EBF1: variants seen among roughly 807,000 people sequenced by gnomAD.
The protein encoded by EBF1 is EBF transcription factor 1.
Under a neutral mutation model 68.4 loss-of-function variants are expected in EBF1, and 10 were observed. That is an observed-to-expected ratio of 0.15 (90% CI 0.09 to 0.25). The LOEUF is 0.25. Ranked by LOEUF, EBF1 falls within the 10% of genes least tolerant of loss-of-function variation. The probability of loss-of-function intolerance (pLI) is 1.00; values close to 1 mark genes in which losing one functional copy is unlikely to be tolerated. For synonymous variants in EBF1, 298 were observed against 299.8 expected (o/e 0.99, Z 0.06); for missense variants, 509 against 794.4 (o/e 0.64, Z 4.32).
chr5:158,895,269 A>T (rs1053049492), intron 6 of EBF1, among the ~76,000 whole-genome samples: 5 of 152,204 alleles, frequency 3.3e-5, no homozygotes, highest in African/African-American at 1.2e-4. Context: ...AACGCAGTAA[A>T]AAAATAACAT....
chr5:158,821,272 G>C (rs1281838084), intron 8 of EBF1, among the ~76,000 whole-genome samples: 2 of 152,092 alleles, frequency 1.3e-5, no homozygotes, highest in Non-Finnish European at 2.9e-5. Context: ...ATTGAATTTG[G>C]GGTTCCTGGT....
chr5:159,092,681 T>G (rs773227870), intron 4 of EBF1, among the ~76,000 whole-genome samples: 1 of 152,226 alleles, frequency 6.6e-6, no homozygotes, highest in Non-Finnish European at 1.5e-5. Context: ...TTAACCCCAC[T>G]TTCTAGTCAA....
chr5:159,039,284 C>A lies in EBF1; in HGVS notation c.554+34112G>T, dbSNP rs562302066. The stretch of plus-strand genomic sequence containing the variant: ...GCATTAAACCATAAATTATTATTCC[C>A]CTCTCTTCTACTTTCAGAATCTATA... On this transcript the variant is annotated intron_variant, in intron 6 of 15. Transcript: ENST00000313708. Among the ~76,000 whole-genome samples the A allele has an allele frequency of 3.9e-5, 6 of 152,302 alleles. No homozygotes were observed. The South Asian group carries it at 1.2e-3, about 32-fold the overall frequency.
chr5:158,819,880 G>T (rs1477748133), intron 8 of EBF1, among the ~76,000 whole-genome samples: 2 of 152,116 alleles, frequency 1.3e-5, no homozygotes, highest in Non-Finnish European at 2.9e-5. Context: ...ACGATCTATA[G>T]CATGCCAGGA....
chr5:159,011,176 A>T (rs1295605016), intron 6 of EBF1, among the ~76,000 whole-genome samples: 1 of 152,220 alleles, frequency 6.6e-6, no homozygotes, highest in Non-Finnish European at 1.5e-5. Context: ...AACCCAGCTT[A>T]AATATTAATG....
intron 11 of EBF1, among the ~76,000 whole-genome samples, chr5:158,729,275 T>C (rs1338089878): frequency 6.6e-6 from 1 of 152,236 alleles, no homozygotes; most frequent in Non-Finnish European, 1.5e-5. Context: ...AATGTCTGAA[T>C]TCCACTTTGT....
At chr5:159,055,827 G>A (rs982935274) in intron 6 of EBF1, among the ~76,000 whole-genome samples, 4 of 152,174 alleles carry the variant, frequency 2.6e-5, no homozygotes, top group Non-Finnish European at 4.4e-5. Flanking sequence ...AGTGCCCTGG[G>A]AGGACCACAA....
At chr5:158,991,381 T>C (rs889054811) in intron 6 of EBF1, among the ~76,000 whole-genome samples, 13 of 152,252 alleles carry the variant, frequency 8.5e-5, no homozygotes, top group African/African-American at 3.1e-4. Context: ...AAAACAGCTT[T>C]AGACATTCCA....
At chr5:158,885,310 G>C (rs1799818129) in intron 6 of EBF1, among the ~76,000 whole-genome samples, 1 of 152,226 alleles carries the variant, frequency 6.6e-6, no homozygotes, top group Admixed American at 6.5e-5. Flanking sequence ...TAAAAGGAAA[G>C]GGGAACAGTG....
intron 7 of EBF1, 147 bp downstream of exon 7, chr5:158,839,882 C>T (rs1332126214): frequency 2.9e-6 from 2 of 695,578 alleles, no homozygotes; most frequent in African/African-American, 1.8e-5. Flanking sequence ...TAAACAACTG[C>T]TAGATTGCAG....
intron 6 of EBF1, among the ~76,000 whole-genome samples, chr5:158,995,361 A>G (rs990374431): frequency 2.6e-5 from 4 of 152,154 alleles, no homozygotes; most frequent in Non-Finnish European, 5.9e-5. Flanking sequence ...ACTGCAGGGG[A>G]AACTTTTAGG....
chr5:158,877,915 A>C (rs891854560), intron 6 of EBF1, among the ~76,000 whole-genome samples: 3 of 151,918 alleles, frequency 2.0e-5, no homozygotes, highest in Non-Finnish European at 2.9e-5. Context: ...GTGCCTGCAA[A>C]ACCAGCAAGG....
At chr5:158,787,941 A>T (rs900885716) in intron 9 of EBF1, among the ~76,000 whole-genome samples, 1 of 152,196 alleles carries the variant, frequency 6.6e-6, no homozygotes, top group Non-Finnish European at 1.5e-5. Context: ...CATTAGCAAA[A>T]CCTGGACCAC....
At chr5:159,048,617 A>G (rs1257586801) in intron 6 of EBF1, among the ~76,000 whole-genome samples, 3 of 152,166 alleles carry the variant, frequency 2.0e-5, no homozygotes, top group Non-Finnish European at 4.4e-5. Flanking sequence ...ATAATACATC[A>G]CTGCCTTACT....
Position 158,699,045 on chromosome 5 carries a change from G to C in EBF1, c.*66C>G, listed in dbSNP as rs1025830152. On this transcript the variant is annotated 3_prime_UTR_variant, in exon 16 of 16. Transcript: ENST00000313708. ...AGTTAAAAGTTCCACTCTGGGACTT[G>C]TATCAGATTACTCTCTGTAGCAGAA... 1.4e-6 allele frequency: 2 copies of C among 1,454,716 alleles called. No homozygotes were observed. Among genetic ancestry groups the C allele is most frequent in the Non-Finnish European group, 1.9e-6 (2 of 1,076,522 alleles). 90.1% of individuals were successfully genotyped at this position (1,454,716 alleles called of 1,614,324 possible). A position where few individuals can be genotyped will look rare whatever the true frequency, so the allele number is the denominator to read the frequency against.
At chr5:158,712,869 G>T in intron 13 of EBF1, 101 bp downstream of exon 13, 1 of 1,174,542 alleles carries the variant, frequency 8.5e-7, no homozygotes, top group Non-Finnish European at 1.1e-6. Flanking sequence ...TCTCCCTTTT[G>T]GGATGAAAAT....
intron 6 of EBF1, among the ~76,000 whole-genome samples, chr5:159,002,062 T>A (rs1335688819): frequency 6.6e-6 from 1 of 151,992 alleles, no homozygotes; most frequent in African/African-American, 2.4e-5. Flanking sequence ...ACAGTTGTTG[T>A]ACATAATCTC....
At chr5:158,982,651 A>T (rs572735676) in intron 6 of EBF1, among the ~76,000 whole-genome samples, 6 of 151,808 alleles carry the variant, frequency 4.0e-5, no homozygotes, top group African/African-American at 7.3e-5. Context: ...TTTACACGGT[A>T]CTTAAATTTT....
chr5:158,817,480 A>G (rs1783983981), intron 8 of EBF1, among the ~76,000 whole-genome samples: 1 of 151,842 alleles, frequency 6.6e-6, no homozygotes, highest in Non-Finnish European at 1.5e-5. Context: ...TTGCCTTTTC[A>G]CCTTTCCACA....
Sources: allele counts gnomAD v4.1 joint callset (sites outside exome capture counted in the v4.1 genomes callset), GRCh38; gene constraint gnomAD v4.1.1; transcripts MANE v1.5; gene names NCBI Gene and HGNC (gene_info 2026-07-23, HGNC 2026-07-21).